Variants in BANP observed in about 807,000 individuals in gnomAD.
The protein encoded by BANP is protein BANP.
BANP carries 11 observed loss-of-function variants against 68.1 expected under a neutral mutation model. The ratio of observed to expected loss-of-function variants is 0.16; its 90% CI spans 0.10 to 0.27. BANP has a LOEUF of 0.27. Among genes scored for constraint, BANP ranks in the 10% least tolerant of loss-of-function variants. BANP has a pLI of 1.00. For missense variants in BANP, 504 were observed against 722.7 expected, an observed-to-expected ratio of 0.70 and a Z score of 3.47; for synonymous variants, 329 against 303.2, an observed-to-expected ratio of 1.09 and a Z score of -0.88.
chr16:88,071,483 G>A lies in BANP; in HGVS notation c.1378-586G>A, dbSNP rs766900822. On this transcript the variant is annotated intron_variant, in intron 12 of 13. Transcript: ENST00000682872. This position sits in a 1 kb window ranked among gnomAD's most constrained non-coding sequence, Gnocchi z 6.5. ...GCGGTACAAGGTCGGGAGGGCCAGC[G>A]GGGCTCTCTGCCACCAGGACTCACT... 6.1e-5 allele frequency: 28 copies of A among 456,256 alleles called. No individual in the cohort carries two copies. The highest frequency in any genetic ancestry group is 1.1e-4 in the Non-Finnish European group (24 of 226,830). The allele number at this position is 456,256 out of a possible 1,614,324, so 28.3% of individuals were successfully genotyped here.
At chr16:88,040,104 CAG>C (rs2080379178) in intron 11 of BANP, among the ~76,000 whole-genome samples, 1 of 152,198 alleles carries the variant, frequency 6.6e-6, no homozygotes, top group Non-Finnish European at 1.5e-5. Context: ...TGCTGCCACT[CAG>C]GGTAGCGGGC....
rs1340447971 is a variant in BANP at position 88,071,619 on chromosome 16, G to A, written c.1378-450G>A. On this transcript the variant is annotated intron_variant, in intron 12 of 13. Coordinates refer to ENST00000682872, the MANE Select transcript of BANP (RefSeq NM_001386991.1). This position sits in a 1 kb window ranked among gnomAD's most constrained non-coding sequence, Gnocchi z 6.5. ...GAGCCCTTGAGGTCACTCTGCCTTG[G>A]GAATGGGGAGGGTTTGGGTCTCAGC... The A allele has an allele frequency of 4.3e-6, 2 of 460,822 alleles. No individual in the cohort carries two copies. Among genetic ancestry groups the A allele is most frequent in the East Asian group, 6.9e-5 (1 of 14,580 alleles). 28.5% of individuals were successfully genotyped at this position (460,822 alleles called of 1,614,324 possible). A position where few individuals can be genotyped will look rare whatever the true frequency, so the allele number is the denominator to read the frequency against.
intron 1 of BANP, among the ~76,000 whole-genome samples, chr16:87,973,782 GAAA>G (rs934286129): frequency 7.3e-6 from 1 of 137,034 alleles, no homozygotes; most frequent in Non-Finnish European, 1.6e-5. Context: ...AAAGAAAAAA[GAAA>G]AAAATTCTAG....
intron 11 of BANP, among the ~76,000 whole-genome samples, chr16:88,052,483 A>T (rs929352809): frequency 6.6e-6 from 1 of 150,830 alleles, no homozygotes; most frequent in African/African-American, 2.4e-5. Context: ...AGTTAAAGTC[A>T]GGGATACATC....
intron 11 of BANP, among the ~76,000 whole-genome samples, chr16:88,048,514 A>G (rs2082512513): frequency 6.6e-6 from 1 of 152,084 alleles, no homozygotes; most frequent in Non-Finnish European, 1.5e-5. Context: ...CTCACCACGG[A>G]TTAAAGAAAG....
intron 11 of BANP, among the ~76,000 whole-genome samples, chr16:88,048,238 G>A (rs910727282): frequency 2.0e-5 from 3 of 152,232 alleles, no homozygotes; most frequent in Admixed American, 6.5e-5. Flanking sequence ...TGTGATTGAA[G>A]ACTTAGCCAA....
Position 88,001,411 on chromosome 16 carries a change from C to T in BANP, c.363-2884C>T, listed in dbSNP as rs8047830. Among the ~76,000 whole-genome samples, 363 of 152,396 alleles carry T rather than the reference C, an allele frequency of 2.4e-3. 3 individuals carry two copies. The highest frequency in any genetic ancestry group is 8.1e-3 in the African/African-American group (335 of 41,602). On this transcript the variant is annotated intron_variant, in intron 4 of 13. Transcript: ENST00000682872. ...AGACACATCTCCATGCACATACATG[C>T]GCAGCTGGACTTAGCTGTGTTTTTT... is the stretch of plus-strand genomic sequence containing the variant.
rs569565594 is a variant in BANP at position 88,015,991 on chromosome 16, T to C, written c.656-2437T>C. Among the ~76,000 whole-genome samples the C allele has an allele frequency of 7.2e-5, 11 of 152,284 alleles. No individual in the cohort carries two copies. The East Asian group carries it at 2.1e-3, about 29-fold the overall frequency. ...GTTTGGGAGTCCGGGGACCTTGCAG[T>C]GGGACAGTTCCCATTTGCCAGCATG... On this transcript the variant is annotated intron_variant, in intron 6 of 13. Transcript: ENST00000682872.
chr16:87,974,997 C>T (rs1039516110), intron 1 of BANP, 51 bp from the exon 2 acceptor site: 6 of 817,932 alleles, frequency 7.3e-6, no homozygotes, highest in East Asian at 5.2e-5. Context: ...CATAATTTCA[C>T]GTGTAGCGAT....
chr16:87,984,779 G>A (rs1415358583), intron 4 of BANP, among the ~76,000 whole-genome samples: 1 of 152,228 alleles, frequency 6.6e-6, no homozygotes, highest in East Asian at 1.9e-4. Context: ...TCTCGGACCT[G>A]CTTGGTGTCC....
chr16:87,960,231 C>T lies in BANP; in HGVS notation c.-69+8716C>T, dbSNP rs371079131. On this transcript the variant is annotated intron_variant, in intron 1 of 13. Transcript: ENST00000682872. ...AAACACTGGCCGTGGCAGGTGCCCA[C>T]GCAGTCAGGAGCTTGCTTGTGGGGC... Among the ~76,000 whole-genome samples the T allele has an allele frequency of 8.9e-4, 135 of 152,304 alleles. 2 individuals carry two copies. The South Asian group carries it at 0.027, about 31-fold the overall frequency.
chr16:87,990,401 T>G (rs7191581), intron 4 of BANP, among the ~76,000 whole-genome samples: 1 of 151,970 alleles, frequency 6.6e-6, no homozygotes, highest in African/African-American at 2.4e-5. Context: ...CAGAACTGAC[T>G]GTTGACCCGT....
Position 88,014,716 on chromosome 16 carries a change from G to A in BANP, c.656-3712G>A, listed in dbSNP as rs1015034022. ...ACTGGTCCTGCATCACCCACATCCC[G>A]GTGTGGGTGGGTGATGGTCGGGGAG... On this transcript the variant is annotated intron_variant, in intron 6 of 13. Transcript: ENST00000682872. Among the ~76,000 whole-genome samples the A allele has an allele frequency of 7.2e-5, 11 of 152,072 alleles. No homozygotes were observed. The East Asian group carries it at 1.4e-3, about 19-fold the overall frequency.
chr16:87,970,809 G>A (rs879769338), intron 1 of BANP, among the ~76,000 whole-genome samples: 11 of 151,968 alleles, frequency 7.2e-5, no homozygotes, highest in Non-Finnish European at 1.6e-4. Flanking sequence ...ACCTGAGGTC[G>A]GGAGTTTGAG....
chr16:87,965,566 G>A (rs1345650511), intron 1 of BANP, among the ~76,000 whole-genome samples: 4 of 150,308 alleles, frequency 2.7e-5, no homozygotes, highest in Non-Finnish European at 5.9e-5. Flanking sequence ...CACTAAGCCC[G>A]AGGCGCAGAG....
At chr16:88,013,477 G>A (rs1309026315) in intron 6 of BANP, among the ~76,000 whole-genome samples, 1 of 152,122 alleles carries the variant, frequency 6.6e-6, no homozygotes, top group Non-Finnish European at 1.5e-5. Flanking sequence ...AGGTGGGCCC[G>A]CCCCATGCCT....
intron 13 of BANP, among the ~76,000 whole-genome samples, chr16:88,074,670 C>T (rs2091210870): frequency 6.7e-6 from 1 of 149,946 alleles, no homozygotes; most frequent in Admixed American, 6.6e-5. Flanking sequence ...GGGGAAGGGG[C>T]TTTGCATCCC....
At chr16:88,034,558 G>C (rs1433589329) in intron 9 of BANP, among the ~76,000 whole-genome samples, 2 of 151,530 alleles carry the variant, frequency 1.3e-5, no homozygotes, top group Non-Finnish European at 2.9e-5. Flanking sequence ...AACGTTGCCT[G>C]CCCTGTTGTG....
intron 1 of BANP, among the ~76,000 whole-genome samples, chr16:87,964,699 A>G (rs2059740415): frequency 7.5e-6 from 1 of 132,560 alleles, no homozygotes; most frequent in African/African-American, 3.0e-5. Context: ...TGCAGGTGAC[A>G]GTGAGACGGC....
Sources: gnomAD v4.1 joint callset for allele counts (sites outside exome capture counted in the v4.1 genomes callset) on GRCh38, gnomAD v4.1.1 for gene constraint, Gnocchi (gnomAD v3.1) non-coding constraint, MANE v1.5 for transcripts, NCBI Gene and HGNC (gene_info 2026-07-23, HGNC 2026-07-21) for gene names.